The following ATP6V0A4 variants were observed in gnomAD, a reference collection of about 807,000 sequenced individuals.
ATP6V0A4 encodes the protein ATPase H+ transporting V0 subunit a4.
Under a neutral mutation model 107.3 loss-of-function variants are expected in ATP6V0A4, and 86 were observed. The ratio of observed to expected loss-of-function variants is 0.80; its 90% confidence interval spans 0.67 to 0.96. The LOEUF is 0.96. ATP6V0A4 is among the 40% of genes least tolerant of loss of function. The pLI, the probability that ATP6V0A4 is intolerant of heterozygous loss-of-function variation, is 0.00. For missense variants in ATP6V0A4, 908 were observed against 1,045.6 expected (o/e 0.87, Z 1.81); for synonymous variants, 353 against 381.4 (o/e 0.93, Z 0.87).
At chr7:138,734,974 A>G (rs1562991186) in intron 15 of ATP6V0A4, among the ~76,000 whole-genome samples, 1 of 152,108 alleles carries the variant, frequency 6.6e-6, no homozygotes, top group African/African-American at 2.4e-5. Flanking sequence ...GACCTTTCTC[A>G]AGAAGCCGTT....
intron 8 of ATP6V0A4, among the ~76,000 whole-genome samples, chr7:138,759,086 G>T (rs1806658504): frequency 1.8e-5 from 2 of 113,076 alleles, no homozygotes; most frequent in South Asian, 6.1e-4. Context: ...TTGAGATAGG[G>T]TCTCACTCTG....
chr7:138,739,696 T>G, intron 14 of ATP6V0A4, 63 bp from the exon 15 acceptor site: 2 of 1,598,372 alleles, frequency 1.3e-6, no homozygotes, highest in Non-Finnish European at 8.5e-7. Flanking sequence ...GATACTATAA[T>G]ACCACCAGTC....
At chr7:138,708,075 G>A (rs1045523598) in intron 21 of ATP6V0A4, among the ~76,000 whole-genome samples, 21 of 140,154 alleles carry the variant, frequency 1.5e-4, no homozygotes, top group Admixed American at 3.6e-4. Context: ...ATTTTGAGAC[G>A]GAGTCTCGCT....
chr7:138,716,384 G>C (rs1381849736), intron 19 of ATP6V0A4, among the ~76,000 whole-genome samples: 1 of 152,028 alleles, frequency 6.6e-6, no homozygotes, highest in Non-Finnish European at 1.5e-5. Context: ...CCTGGATTCA[G>C]TGAGGAGCCA....
At chr7:138,775,316 ATTTC>A (rs1278407455) in intron 2 of ATP6V0A4, among the ~76,000 whole-genome samples, 2 of 152,062 alleles carry the variant, frequency 1.3e-5, no homozygotes, top group African/African-American at 4.8e-5. Context: ...ACATCATATT[ATTTC>A]TTTCAAAATA....
At chr7:138,711,947 T>C (rs1360954207) in intron 20 of ATP6V0A4, among the ~76,000 whole-genome samples, 1 of 152,176 alleles carries the variant, frequency 6.6e-6, no homozygotes, top group African/African-American at 2.4e-5. Flanking sequence ...TTTTTTCCTT[T>C]TTCGAGACAG....
rs1806107393 is a variant in ATP6V0A4, at chr7:138,749,229, G to A, written c.1118C>T (p.Thr373Ile). ...PPTFNRTNKF[T>I]AGFQNIVDAY... The stretch of plus-strand genomic sequence containing the variant: ...ATCAACAATATTCTGGAAGCCAGCT[G>A]TGAATTTATTGGTCCTGTTAAATGT... Residue 373 changes from threonine to isoleucine, a missense_variant, in exon 12 of 22, where the codon ACA becomes ATA. Coordinates refer to ENST00000310018, the MANE Select transcript of ATP6V0A4 (RefSeq NM_020632.3). 1.2e-6 allele frequency: 2 copies of A among 1,608,066 alleles called. No homozygotes were observed. Among genetic ancestry groups the A allele is most frequent in the Non-Finnish European group, 1.7e-6 (2 of 1,176,948 alleles).
chr7:138,711,948 T>C (rs1326065350), intron 20 of ATP6V0A4, among the ~76,000 whole-genome samples: 2 of 152,220 alleles, frequency 1.3e-5, no homozygotes, highest in Non-Finnish European at 2.9e-5. Flanking sequence ...TTTTTCCTTT[T>C]TCGAGACAGA....
chr7:138,798,173 G>A lies in ATP6V0A4; in HGVS notation c.-260C>T, dbSNP rs375340589. Reference sequence around the variant, plus strand: ...GCCTGGCCTTTGCCTCCCTCCACTCGGCTTGCTCGGCAGGTAGCGTTATGA... The same window carrying A: ...GCCTGGCCTTTGCCTCCCTCCACTCAGCTTGCTCGGCAGGTAGCGTTATGA... On this transcript the variant is annotated 5_prime_UTR_variant, in exon 1 of 22. Transcript: ENST00000310018. The A allele has an allele frequency of 4.1e-5, 66 of 1,594,676 alleles. No homozygotes were observed. The highest frequency in any genetic ancestry group is 5.1e-5 in the Non-Finnish European group (60 of 1,171,226).
intron 11 of ATP6V0A4, among the ~76,000 whole-genome samples, chr7:138,749,682 A>G (rs1806132610): frequency 6.6e-6 from 1 of 151,748 alleles, no homozygotes; most frequent in African/African-American, 2.4e-5. Context: ...ATTTTTTCCT[A>G]ATTGCCTGCT....
Position 138,715,771 on chromosome 7 carries a change from A to G in ATP6V0A4, c.2250T>C (p.Ala750=). Residue 750 remains alanine (A), a synonymous_variant, in exon 20 of 22, where the codon GCT becomes GCC. Transcript: ENST00000310018. ...GATGGGCTGCTCACTCACGTGCATG[A>G]GCCAGGCTGAGGGCCCAGAGCCGCA... is the stretch of plus-strand genomic sequence containing the variant. ...SYLRLWALSL[A]HAQLSEVLWT... 2 of 1,613,682 alleles carry G rather than the reference A, an allele frequency of 1.2e-6. No homozygotes were observed. Among genetic ancestry groups the G allele is most frequent in the Non-Finnish European group, 1.7e-6 (2 of 1,179,708 alleles).
intron 14 of ATP6V0A4, among the ~76,000 whole-genome samples, chr7:138,740,423 T>C (rs889961195): frequency 7.3e-5 from 11 of 150,406 alleles, no homozygotes; most frequent in Non-Finnish European, 1.5e-4. Flanking sequence ...GGAAGAAATT[T>C]CTTTTTTTTT....
intron 14 of ATP6V0A4, among the ~76,000 whole-genome samples, chr7:138,743,649 T>C (rs1055830716): frequency 1.3e-5 from 2 of 152,256 alleles, no homozygotes; most frequent in Admixed American, 6.5e-5. Flanking sequence ...GGAAAAGAGA[T>C]TGTGAACATG....
At chr7:138,755,979 CT>C in intron 9 of ATP6V0A4, 197 bp from the exon 10 acceptor site, 1 of 934,178 alleles carries the variant, frequency 1.1e-6, no homozygotes, top group Non-Finnish European at 1.6e-6. Context: ...TGAATTGAGG[CT>C]GCAGTTCTGT....
intron 10 of ATP6V0A4, among the ~76,000 whole-genome samples, chr7:138,754,262 G>C (rs546466689): frequency 1.6e-4 from 24 of 151,822 alleles, no homozygotes; most frequent in African/African-American, 5.8e-4. Flanking sequence ...CAGCCTGACC[G>C]ACATGGAGAA....
At chr7:138,755,631 A>T in intron 10 of ATP6V0A4, 58 bp downstream of exon 10, 1 of 1,607,190 alleles carries the variant, frequency 6.2e-7, no homozygotes. Context: ...GTATGAAAAC[A>T]GCAGAGGCAG....
intron 5 of ATP6V0A4, 67 bp downstream of exon 5, chr7:138,768,713 G>A: frequency 6.3e-7 from 1 of 1,579,470 alleles, no homozygotes; most frequent in Admixed American, 1.7e-5. Context: ...GTGGCTCTCA[G>A]GGCCTTCAAG....
chr7:138,707,154 A>ATATATAATATATTATATATAT (rs1157216170), intron 21 of ATP6V0A4, among the ~76,000 whole-genome samples: 54 of 75,026 alleles, frequency 7.2e-4, no homozygotes, highest in African/African-American at 1.4e-3. Context: ...TAATATATTA[A>ATATATAATATATTATATATAT]TATATAATAT....
chr7:138,730,341 AGTGT>A (rs369725759), intron 17 of ATP6V0A4, among the ~76,000 whole-genome samples: 56,756 of 139,784 alleles, frequency 0.41, 11,911 homozygotes, highest in East Asian at 0.61. Context: ...CAACGGGATG[AGTGT>A]GTGTGTGTGT....
Sources: gnomAD v4.1 joint callset for allele counts (sites outside exome capture counted in the v4.1 genomes callset) on GRCh38, gnomAD v4.1.1 for gene constraint, MANE v1.5 for transcripts, NCBI Gene and HGNC (gene_info 2026-07-23, HGNC 2026-07-21) for gene names.